The following TTC6 variants were observed in gnomAD, a reference collection of about 807,000 sequenced individuals.
TTC6 encodes the protein tetratricopeptide repeat domain 6, also known as tetratricopeptide repeat protein 6.
In TTC6, 172 loss-of-function variants were observed where a neutral mutation model predicts 210.4. The observed-to-expected ratio is 0.82, with a 90% CI of 0.72 to 0.93. TTC6 has a LOEUF of 0.93. Ranked by LOEUF, TTC6 falls within the 40% of genes least tolerant of loss-of-function variation. The pLI is 0.00. For synonymous variants in TTC6, 804 were observed against 819.6 expected (o/e 0.98, Z 0.32); for missense variants, 2,414 against 2,318.1 (o/e 1.04, Z -0.85).
At chr14:37,609,323 G>A (rs1454498431) in intron 2 of TTC6, among the ~76,000 whole-genome samples, 1 of 152,148 alleles carries the variant, frequency 6.6e-6, no homozygotes, top group African/African-American at 2.4e-5. Context: ...GACTGAGGCA[G>A]GAGGATTGCT....
chr14:37,808,752 C>T (rs770586790), exon 24 of TTC6: 10 of 1,504,584 alleles, frequency 6.6e-6, no homozygotes, highest in Non-Finnish European at 5.3e-6. Context: ...CTAGCAATTA[C>T]AGATTTAACT....
intron 28 of TTC6, among the ~76,000 whole-genome samples, 186 bp downstream of exon 30, chr14:37,826,533 T>C (rs1424077447): frequency 6.6e-6 from 1 of 152,024 alleles, no homozygotes; most frequent in African/African-American, 2.4e-5. Context: ...ATAACTGAAA[T>C]GCACTAAAAC....
chr14:37,714,634 A>G (rs1291621064), intron 5 of TTC6, 21 bp from the exon 8 acceptor site: 5 of 1,528,264 alleles, frequency 3.3e-6, no homozygotes, highest in East Asian at 2.5e-5. Flanking sequence ...AAGCAAACTT[A>G]TTGTTCTTAT....
chr14:37,775,664 G>A (rs1308511695), intron 14 of TTC6, among the ~76,000 whole-genome samples: 1 of 152,104 alleles, frequency 6.6e-6, no homozygotes, highest in East Asian at 1.9e-4. Context: ...TTCAATTCCT[G>A]AATATCTTTG....
chr14:37,722,719 T>G (rs2095864234), intron 6 of TTC6, among the ~76,000 whole-genome samples: 1 of 152,214 alleles, frequency 6.6e-6, no homozygotes, highest in Non-Finnish European at 1.5e-5. Context: ...TTTCATCAGG[T>G]ATCGGGTATA....
At chr14:37,836,006 CCTT>C (rs766847698) in intron 29 of TTC6, among the ~76,000 whole-genome samples, 21 of 152,254 alleles carry the variant, frequency 1.4e-4, no homozygotes, top group Admixed American at 2.6e-4. Context: ...TTGAAACCCT[CCTT>C]CTTTCTTCTG....
At chr14:37,767,314 C>CA (rs1385808598) in intron 14 of TTC6, among the ~76,000 whole-genome samples, 2 of 152,100 alleles carry the variant, frequency 1.3e-5, no homozygotes, top group African/African-American at 4.8e-5. Flanking sequence ...GGTATATACC[C>CA]AGTAATGGGA....
chr14:37,689,381 G>A (rs1198517536), intron 3 of TTC6, among the ~76,000 whole-genome samples: 3 of 152,102 alleles, frequency 2.0e-5, no homozygotes, highest in Non-Finnish European at 4.4e-5. Flanking sequence ...TGTAGAGAAA[G>A]ACATAGAGGT....
In TTC6 at chr14:37,792,386, A is replaced by G; in HGVS notation, c.3680A>G (p.Tyr1227Cys). Reference sequence around the variant, plus strand: ...ATTGATCCTTTATGTATTCAAAGCTATCTTTGTCGGGCGGAAACCTATTTT... The same window carrying G: ...ATTGATCCTTTATGTATTCAAAGCTGTCTTTGTCGGGCGGAAACCTATTTT... Residue 1227 changes from tyrosine (Y) to cysteine (C), a missense_variant, in exon 17 of 31, where the codon TAT becomes TGT. Physicochemically the swap from Tyr to Cys is radical, Grantham distance 194. Transcript: ENST00000553443. 3.3e-6 allele frequency: 5 copies of G among 1,517,406 alleles called. No individual in the cohort carries two copies. In the South Asian group the frequency reaches 5.1e-5, roughly 15 times the overall value. 94.0% of individuals were successfully genotyped at this position (1,517,406 alleles called of 1,614,324 possible).
At chr14:37,763,056 T>G (rs2095989288) in intron 14 of TTC6, among the ~76,000 whole-genome samples, 1 of 150,972 alleles carries the variant, frequency 6.6e-6, no homozygotes, top group Non-Finnish European at 1.5e-5. Flanking sequence ...GCCTAATTTT[T>G]TTTTTGTATT....
At chr14:37,838,690 T>A (rs576205817) in intron 29 of TTC6, among the ~76,000 whole-genome samples, 3 of 152,350 alleles carry the variant, frequency 2.0e-5, no homozygotes, top group Admixed American at 1.3e-4. Context: ...TTACTTTTTT[T>A]AAAAAGTATA....
intron 1 of TTC6, among the ~76,000 whole-genome samples, chr14:37,660,381 C>T (rs760253036): frequency 2.6e-5 from 4 of 152,140 alleles, no homozygotes; most frequent in African/African-American, 4.8e-5. Context: ...TGCTCTCCCC[C>T]ACACCTCACC....
intron 14 of TTC6, among the ~76,000 whole-genome samples, chr14:37,778,905 G>A (rs1013500556): frequency 1.3e-5 from 2 of 152,118 alleles, no homozygotes; most frequent in African/African-American, 2.4e-5. Flanking sequence ...CTCCCCTAGG[G>A]CTAAAGTCTC....
Position 37,714,805 on chromosome 14 carries a change from T to A in TTC6, c.1713+9T>A. The A allele has an allele frequency of 1.3e-6, 2 of 1,530,168 alleles. No homozygotes were observed. The highest frequency in any genetic ancestry group is 1.7e-6 in the Non-Finnish European group (2 of 1,144,760). 94.8% of individuals were successfully genotyped at this position (1,530,168 alleles called of 1,614,324 possible). On this transcript the variant is annotated intron_variant, in intron 6 of 30. Coordinates refer to ENST00000553443, the Ensembl canonical transcript of TTC6. The stretch of plus-strand genomic sequence containing the variant: ...AAGTCTTGGGAGAGGAAGTAAGAAC[T>A]TTCTTTAATATTAGTTTTTTTGTAC...
chr14:37,696,873 G>C (rs760845648), intron 4 of TTC6, 38 bp downstream of exon 6: 1 of 954,566 alleles, frequency 1.0e-6, no homozygotes, highest in Non-Finnish European at 1.4e-6. Context: ...TATTGGGAGA[G>C]GAGTTATTCA....
chr14:37,735,987 C>A, exon 8 of TTC6: 1 of 1,532,786 alleles, frequency 6.5e-7, no homozygotes, highest in Non-Finnish European at 8.7e-7. Flanking sequence ...TACTTTACAT[C>A]AACATAGCAG....
At chr14:37,672,850 A>G (rs1312867764) in intron 1 of TTC6, among the ~76,000 whole-genome samples, 1 of 134,134 alleles carries the variant, frequency 7.5e-6, no homozygotes, top group Admixed American at 7.3e-5. Flanking sequence ...TACTAAAAGC[A>G]CTGTAGTTTT....
In TTC6 at chr14:37,598,657, G is replaced by A. The variant is rs1280896520; in HGVS notation, c.-235+2649G>A. On this transcript the variant is annotated intron_variant, in intron 1 of 2. Coordinates refer to the TTC6 transcript ENST00000556845. The surrounding 1 kb of genome is among the most constrained non-coding windows in gnomAD (Gnocchi z 4.9). ...GGCGAAAGGTGGAAGGAGAGGCCGC[G>A]GCCTCGGGCCTCGGGCCCCGGGCCC... Among the ~76,000 whole-genome samples the A allele has an allele frequency of 6.6e-6, 1 of 152,124 alleles. No individual in the cohort carries two copies. The highest frequency in any genetic ancestry group is 1.5e-5 in the Non-Finnish European group (1 of 68,004).
chr14:37,626,986 G>A (rs1236421953), intron 1 of TTC6, among the ~76,000 whole-genome samples: 1 of 152,168 alleles, frequency 6.6e-6, no homozygotes, highest in Admixed American at 6.6e-5. Flanking sequence ...TGCAGGTGGG[G>A]CCTGGTGGGA....
Sources: allele counts gnomAD v4.1 joint callset (sites outside exome capture counted in the v4.1 genomes callset), GRCh38; gene constraint gnomAD v4.1.1; non-coding constraint Gnocchi (gnomAD v3.1); transcripts MANE v1.5; gene names NCBI Gene and HGNC (gene_info 2026-07-23, HGNC 2026-07-21).